DLG2: variants seen among roughly 807,000 people sequenced by gnomAD.
DLG2 encodes discs large MAGUK scaffold protein 2.
A neutral mutation model predicts 132.5 loss-of-function variants in DLG2; 45 were observed. The observed-to-expected ratio is 0.34, with a 90% CI of 0.27 to 0.44. The LOEUF is 0.44. DLG2 is among the 20% of genes least tolerant of loss of function. The pLI is 1.00. For missense variants in DLG2, 1,045 were observed against 1,196.9 expected, an observed-to-expected ratio of 0.87 and a Z score of 1.87; for synonymous variants, 424 against 419.6, an observed-to-expected ratio of 1.01 and a Z score of -0.13.
chr11:84,510,712 C>T (rs1007342306), intron 7 of DLG2, among the ~76,000 whole-genome samples: 3 of 151,978 alleles, frequency 2.0e-5, no homozygotes, highest in Non-Finnish European at 4.4e-5. Flanking sequence ...AACAGTCATT[C>T]GTTGAAGGAA....
At chr11:84,043,270 T>C (rs1278982405) in intron 11 of DLG2, among the ~76,000 whole-genome samples, 3 of 145,478 alleles carry the variant, frequency 2.1e-5, no homozygotes, top group Non-Finnish European at 3.2e-5. Flanking sequence ...TCATCATAAA[T>C]ATATTTTTTC....
intron 11 of DLG2, among the ~76,000 whole-genome samples, chr11:83,997,090 A>G (rs921051946): frequency 2.9e-4 from 43 of 150,394 alleles, no homozygotes; most frequent in African/African-American, 8.9e-4. Context: ...GTAAATATAT[A>G]TAACTACTAT....
intron 8 of DLG2, among the ~76,000 whole-genome samples, chr11:84,201,409 T>G (rs1472707333): frequency 6.6e-6 from 1 of 152,180 alleles, no homozygotes; most frequent in East Asian, 1.9e-4. Context: ...TATTTTCTTT[T>G]TTGTTGTTGT....
At chr11:85,125,513 G>A (rs1386289831) in intron 5 of DLG2, among the ~76,000 whole-genome samples, 1 of 152,016 alleles carries the variant, frequency 6.6e-6, no homozygotes, top group Non-Finnish European at 1.5e-5. Flanking sequence ...CTATATAAGT[G>A]CATTGCTTTT....
chr11:83,761,695 C>A (rs766714694), intron 18 of DLG2, among the ~76,000 whole-genome samples: 2 of 152,058 alleles, frequency 1.3e-5, no homozygotes, highest in Non-Finnish European at 2.9e-5. Context: ...ATCTCTAATC[C>A]CCCTGTGCTT....
intron 7 of DLG2, among the ~76,000 whole-genome samples, chr11:84,359,288 G>C (rs900110960): frequency 1.3e-5 from 2 of 151,718 alleles, no homozygotes; most frequent in African/African-American, 4.8e-5. Context: ...GTAACTCCCT[G>C]GTTGTGCTGT....
intron 6 of DLG2, chr11:84,923,189 C>A (rs1261677088): frequency 6.2e-7 from 1 of 1,609,200 alleles, no homozygotes; most frequent in Non-Finnish European, 8.5e-7. Context: ...ACACACGATC[C>A]TGGGCATGTG....
intron 4 of DLG2, among the ~76,000 whole-genome samples, chr11:85,255,510 A>G: frequency 6.6e-6 from 1 of 152,230 alleles, no homozygotes; most frequent in East Asian, 1.9e-4. Flanking sequence ...CTCAGTGGAA[A>G]AGTAAAGAGT....
chr11:84,131,909 C>T (rs1235042888), intron 9 of DLG2, among the ~76,000 whole-genome samples: 1 of 151,124 alleles, frequency 6.6e-6, no homozygotes, highest in Non-Finnish European at 1.5e-5. Flanking sequence ...TGTTTCTGGC[C>T]ATATATGTAT....
intron 9 of DLG2, among the ~76,000 whole-genome samples, chr11:84,142,821 A>G (rs1160407976): frequency 2.0e-5 from 3 of 152,156 alleles, no homozygotes; most frequent in African/African-American, 7.2e-5. Flanking sequence ...GTTTGGCATC[A>G]GACTGAATTA....
intron 9 of DLG2, 70 bp from the exon 10 acceptor site, chr11:84,099,117 C>T (rs1398911131): frequency 2.0e-5 from 28 of 1,388,760 alleles, no homozygotes; most frequent in Non-Finnish European, 2.7e-5. Context: ...TTGCACTCTG[C>T]ATTATCATGT....
intron 17 of DLG2, among the ~76,000 whole-genome samples, chr11:83,817,085 T>A (rs925728650): frequency 7.9e-5 from 12 of 152,304 alleles, no homozygotes; most frequent in African/African-American, 2.6e-4. Flanking sequence ...ATTTATAAGA[T>A]ATATTATATG....
intron 15 of DLG2, among the ~76,000 whole-genome samples, chr11:83,912,412 AAC>A (rs747123111): frequency 3.3e-5 from 5 of 152,108 alleles, no homozygotes; most frequent in Non-Finnish European, 5.9e-5. Context: ...CAGATGTTCA[AAC>A]ACAGTGTCTA....
rs180956036 is a variant in DLG2 at position 85,107,758 on chromosome 11, C to T, written c.357+3903G>A. On this transcript the variant is annotated intron_variant, in intron 6 of 27. Coordinates refer to ENST00000376104, the MANE Select transcript of DLG2 (RefSeq NM_001142699.3). ...CTATCATTCTAGTGATTAATATAGC[C>T]GCACGATAGGAGAGAAACAAACTGC... 4.6e-5 allele frequency among the ~76,000 whole-genome samples: 7 copies of T among 151,630 alleles called. No individual in the cohort carries two copies. The East Asian group carries it at 7.8e-4, about 17-fold the overall frequency.
chr11:84,981,797 A>G (rs1435151343), intron 6 of DLG2, among the ~76,000 whole-genome samples: 4 of 151,898 alleles, frequency 2.6e-5, no homozygotes. Context: ...GGTTGTCAAT[A>G]TTCACTGTTT....
At chr11:84,017,556 G>T (rs184492953) in intron 11 of DLG2, among the ~76,000 whole-genome samples, 1 of 152,098 alleles carries the variant, frequency 6.6e-6, no homozygotes, top group Admixed American at 6.6e-5. Context: ...ATTTCATGCA[G>T]ATATTTTAAT....
intron 9 of DLG2, among the ~76,000 whole-genome samples, chr11:84,109,900 C>T (rs2093236454): frequency 6.6e-6 from 1 of 152,108 alleles, no homozygotes; most frequent in African/African-American, 2.4e-5. Flanking sequence ...CTCCTGCCTC[C>T]CCATCGGTCC....
At chr11:84,460,244 C>T (rs537504925) in intron 7 of DLG2, among the ~76,000 whole-genome samples, 24 of 150,572 alleles carry the variant, frequency 1.6e-4, no homozygotes, top group African/African-American at 5.6e-4. Context: ...TTGACTATTG[C>T]GTTGTGTAGG....
intron 6 of DLG2, among the ~76,000 whole-genome samples, chr11:84,600,381 C>T (rs572753244): frequency 2.6e-5 from 4 of 152,202 alleles, no homozygotes; most frequent in Admixed American, 6.5e-5. Flanking sequence ...AAACCCTAAA[C>T]ATTTATTATT....
Sources: gnomAD v4.1 joint callset for allele counts (sites outside exome capture counted in the v4.1 genomes callset) on GRCh38, gnomAD v4.1.1 for gene constraint, MANE v1.5 for transcripts, NCBI Gene and HGNC (gene_info 2026-07-23, HGNC 2026-07-21) for gene names.